Variants in CERT1 observed in about 807,000 individuals in gnomAD.
The protein encoded by CERT1 is ceramide transfer protein.
A neutral mutation model predicts 87.9 loss-of-function variants in CERT1; 31 were observed. The observed-to-expected ratio is 0.35, with a 90% CI of 0.27 to 0.48. The LOEUF (loss-of-function observed/expected upper bound fraction) is 0.48, where lower values mean the gene tolerates loss of function less well. Among genes scored for constraint, CERT1 ranks in the 20% least tolerant of loss-of-function variants. CERT1 has a pLI of 0.99. For synonymous variants in CERT1, 289 were observed against 250.9 expected (o/e 1.15, Z -1.44); for missense variants, 487 against 758.0 (o/e 0.64, Z 4.20).
chr5:75,490,570 C>T (rs537801409), intron 2 of CERT1, among the ~76,000 whole-genome samples: 1 of 152,144 alleles, frequency 6.6e-6, no homozygotes, highest in Admixed American at 6.5e-5. Flanking sequence ...GCGATCTCGG[C>T]TCACTGCAAG....
intron 12 of CERT1, among the ~76,000 whole-genome samples, chr5:75,389,079 ATC>A (rs1216996917): frequency 1.3e-5 from 2 of 152,166 alleles, no homozygotes; most frequent in African/African-American, 4.8e-5. Flanking sequence ...CCATCTCTGT[ATC>A]TCTCAGTCCC....
At chr5:75,478,456 G>C (rs1285940307) in intron 2 of CERT1, among the ~76,000 whole-genome samples, 1 of 152,096 alleles carries the variant, frequency 6.6e-6, no homozygotes, top group East Asian at 1.9e-4. Flanking sequence ...TGCAGTGACG[G>C]AGGACAAGAT....
chr5:75,426,910 C>G (rs1040286636), intron 3 of CERT1, among the ~76,000 whole-genome samples: 1 of 152,200 alleles, frequency 6.6e-6, no homozygotes, highest in South Asian at 2.1e-4. Flanking sequence ...GAACTGTACA[C>G]TTAACAGTGG....
At chr5:75,382,935 A>G (rs1274272305) in intron 14 of CERT1, among the ~76,000 whole-genome samples, 1 of 152,112 alleles carries the variant, frequency 6.6e-6, no homozygotes, top group African/African-American at 2.4e-5. Context: ...CCACAGGATG[A>G]TAAGATAGAA....
At chr5:75,374,191 A>G (rs1202972051), downstream of CERT1, 1 of 396,734 alleles carries the variant, frequency 2.5e-6, no homozygotes, top group Non-Finnish European at 4.4e-6. Flanking sequence ...TGCTTCAGTC[A>G]CTGAAGGAAA....
At chr5:75,485,964 C>T (rs999266321) in intron 2 of CERT1, among the ~76,000 whole-genome samples, 1 of 151,988 alleles carries the variant, frequency 6.6e-6, no homozygotes, top group Non-Finnish European at 1.5e-5. Context: ...TCAAACTATT[C>T]CGAAAAACAG....
chr5:75,490,030 G>A (rs921468520), intron 2 of CERT1, among the ~76,000 whole-genome samples: 7 of 152,180 alleles, frequency 4.6e-5, no homozygotes, highest in Admixed American at 2.0e-4. Context: ...AAAAGAATGA[G>A]TTCATGTCCT....
chr5:75,511,080 C>T (rs746843877), intron 1 of CERT1, 32 bp downstream of exon 1: 1 of 1,515,258 alleles, frequency 6.6e-7, no homozygotes, highest in Non-Finnish European at 8.8e-7. Context: ...GTGAGTCTGG[C>T]CAGGGGTCCC....
chr5:75,475,570 C>T (rs181611957), intron 2 of CERT1, among the ~76,000 whole-genome samples: 54 of 152,238 alleles, frequency 3.5e-4, no homozygotes, highest in African/African-American at 1.3e-3. Context: ...TCGCAAAACA[C>T]GGTGAATACC....
intron 2 of CERT1, among the ~76,000 whole-genome samples, chr5:75,490,635 A>G (rs1766744054): frequency 6.6e-6 from 1 of 151,818 alleles, no homozygotes; most frequent in South Asian, 2.1e-4. Context: ...AGTAGCTGGG[A>G]CTACAGGCGC....
At chr5:75,444,098 C>G (rs1764435744) in intron 3 of CERT1, among the ~76,000 whole-genome samples, 1 of 152,138 alleles carries the variant, frequency 6.6e-6, no homozygotes, top group African/African-American at 2.4e-5. Context: ...TGCTGTCACC[C>G]AGGCAGGAGT....
chr5:75,500,249 C>G (rs924911301), intron 2 of CERT1, among the ~76,000 whole-genome samples: 9 of 152,158 alleles, frequency 5.9e-5, no homozygotes, highest in Non-Finnish European at 1.3e-4. Context: ...AACTGTGAAA[C>G]AATACATTTC....
At chr5:75,407,856 C>CT (rs758743663) in intron 8 of CERT1, among the ~76,000 whole-genome samples, 3,819 of 93,472 alleles carry the variant, frequency 0.041, 151 homozygotes, top group African/African-American at 0.12. Context: ...TGAAGGAATT[C>CT]TTTTTTTTTT....
At chr5:75,417,232 A>C (rs1763169405) in intron 6 of CERT1, among the ~76,000 whole-genome samples, 199 bp from the exon 7 acceptor site, 1 of 152,166 alleles carries the variant, frequency 6.6e-6, no homozygotes, top group Non-Finnish European at 1.5e-5. Flanking sequence ...ATGTACTTTC[A>C]AGTCCTTTTT....
In CERT1 at chr5:75,381,110, C is replaced by T. The variant is rs749342048; in HGVS notation, c.1709G>A (p.Arg570Lys). 1.9e-6 allele frequency: 3 copies of T among 1,614,090 alleles called. No individual in the cohort carries two copies. Among genetic ancestry groups the T allele is most frequent in the South Asian group, 1.1e-5 (1 of 91,084 alleles). Residue 570 changes from arginine to lysine, a missense_variant, in exon 16 of 17, where the codon AGG becomes AAG. Around this residue, in one of 8 missense-constraint regions of CERT1, gnomAD observed 147 missense variants for 200.8 expected, o/e 0.73. Transcript: ENST00000643780. ...SPPEGNQEISRDNILCKITYV... is the reference protein window; with the variant it reads ...SPPEGNQEISKDNILCKITYV... Reference sequence around the variant, plus strand: ...TGTAATCTTGCATAGAATGTTGTCCCTGCTAATTTCCTGGTTTCCCTCTGG... The same window carrying T: ...TGTAATCTTGCATAGAATGTTGTCCTTGCTAATTTCCTGGTTTCCCTCTGG...
At chr5:75,509,034 A>C (rs1767790178) in intron 1 of CERT1, among the ~76,000 whole-genome samples, 1 of 152,114 alleles carries the variant, frequency 6.6e-6, no homozygotes, top group Non-Finnish European at 1.5e-5. Flanking sequence ...GAATCTATAC[A>C]CTTAAGTGAT....
chr5:75,416,993 G>A lies in CERT1; in HGVS notation c.720C>T (p.Asp240=). 2 of 1,610,832 alleles carry A rather than the reference G, an allele frequency of 1.2e-6. No individual in the cohort carries two copies. Among genetic ancestry groups the A allele is most frequent in the Non-Finnish European group, 1.7e-6 (2 of 1,177,512 alleles). Residue 240 remains aspartate (D), a synonymous_variant, in exon 7 of 17, where the codon GAC becomes GAT. Transcript: ENST00000643780. ...TAAAAGTTATCGCTTCCCCTTTAAA[G>A]TCTATACCATTAATTCCTTTTGGTG... The part of the protein sequence containing the change: ...HVTPKGINGI[D]FKGEAITFKA...
At chr5:75,410,920 TATTTAAA>T (rs1291449022) in intron 8 of CERT1, 84 bp downstream of exon 8, 7 of 599,824 alleles carry the variant, frequency 1.2e-5, no homozygotes, top group Non-Finnish European at 1.7e-5. Context: ...ATATTTAGAA[TATTTAAA>T]GGTTACAAGA....
rs945703695 is a variant in CERT1 at position 75,489,768 on chromosome 5, C to T, written c.231+16214G>A. Among the ~76,000 whole-genome samples the T allele has an allele frequency of 5.9e-5, 9 of 152,140 alleles. No homozygotes were observed. In the South Asian group the frequency reaches 6.2e-4, roughly 10 times the overall value. ...TGGAGAGGATGTGGAGAAATAGGAA[C>T]GCTTTTACTCTGTTGGTGGGAGTGT... On this transcript the variant is annotated intron_variant, in intron 2 of 16. Transcript: ENST00000643780.
Sources: gnomAD v4.1 joint callset for allele counts (sites outside exome capture counted in the v4.1 genomes callset) on GRCh38, gnomAD v4.1.1 for gene constraint, gnomAD v4.1.1 regional missense constraint, MANE v1.5 for transcripts, NCBI Gene and HGNC (gene_info 2026-07-23, HGNC 2026-07-21) for gene names.